Variants in CSMD2 observed in about 807,000 individuals in gnomAD.
CSMD2 encodes CUB and Sushi multiple domains 2.
A neutral mutation model predicts 398.5 loss-of-function variants in CSMD2; 130 were observed. The observed-to-expected ratio is 0.33, with a 90% CI of 0.28 to 0.38. The LOEUF is 0.38. Among genes scored for constraint, CSMD2 ranks in the 10% least tolerant of loss-of-function variants. CSMD2 has a pLI of 1.00. For missense variants in CSMD2, 3,829 were observed against 4,764.9 expected (o/e 0.80, Z 5.78); for synonymous variants, 1,828 against 1,908.5 (o/e 0.96, Z 1.10).
chr1:33,768,404 C>CAA (rs1350625219), intron 13 of CSMD2, among the ~76,000 whole-genome samples: 1 of 151,952 alleles, frequency 6.6e-6, no homozygotes, highest in Non-Finnish European at 1.5e-5. Flanking sequence ...CTGCCCCACA[C>CAA]AAAAAGAATT....
intron 3 of CSMD2, among the ~76,000 whole-genome samples, chr1:33,988,831 C>T (rs911873289): frequency 2.3e-4 from 35 of 151,726 alleles, no homozygotes; most frequent in Non-Finnish European, 2.7e-4. Flanking sequence ...GATGCTAGAA[C>T]AACTGAATAT....
At chr1:34,151,967 C>T (rs1640368164) in intron 1 of CSMD2, among the ~76,000 whole-genome samples, 1 of 152,116 alleles carries the variant, frequency 6.6e-6, no homozygotes, top group African/African-American at 2.4e-5. Context: ...CTCAGCCTCT[C>T]GAGTAGCTAG....
intron 6 of CSMD2, among the ~76,000 whole-genome samples, chr1:33,836,275 TG>T (rs1660251923): frequency 6.6e-6 from 1 of 152,182 alleles, no homozygotes; most frequent in Admixed American, 6.6e-5. Context: ...CTGCCCCTAC[TG>T]GGGGGTGCCT....
chr1:34,001,454 A>G (rs928227545), intron 3 of CSMD2, among the ~76,000 whole-genome samples: 10 of 152,234 alleles, frequency 6.6e-5, no homozygotes, highest in African/African-American at 2.2e-4. Flanking sequence ...CAAGAGAGAA[A>G]TAAGTCTGGT....
intron 68 of CSMD2, 70 bp downstream of exon 68, chr1:33,521,393 T>C (rs936450610): frequency 9.2e-7 from 1 of 1,087,278 alleles, no homozygotes; most frequent in African/African-American, 1.5e-5. Context: ...GTCCTCTACC[T>C]GACCACGGCA....
Position 33,926,694 on chromosome 1 carries a change from C to G in CSMD2, c.713-8393G>C, listed in dbSNP as rs564305391. On this transcript the variant is annotated intron_variant, in intron 4 of 70. Transcript: ENST00000373381. Reference sequence around the variant, plus strand: ...CTAAAATATTCATTTACACTTTCTCCTTCTCTGGCAATGGGCATTTTGCAC... The same window carrying G: ...CTAAAATATTCATTTACACTTTCTCGTTCTCTGGCAATGGGCATTTTGCAC... 4.6e-5 allele frequency among the ~76,000 whole-genome samples: 7 copies of G among 152,298 alleles called. No homozygotes were observed. In the South Asian group the frequency reaches 1.5e-3, roughly 32 times the overall value.
intron 1 of CSMD2, among the ~76,000 whole-genome samples, chr1:34,154,307 C>T (rs142645289): frequency 6.6e-6 from 1 of 152,170 alleles, no homozygotes. Flanking sequence ...ACCTGGCACA[C>T]CATTTCCATG....
chr1:33,952,699 C>T (rs1221452388), intron 3 of CSMD2, among the ~76,000 whole-genome samples: 1 of 137,204 alleles, frequency 7.3e-6, no homozygotes, highest in African/African-American at 3.7e-5. Flanking sequence ...CACACACACA[C>T]ACATGCACAC....
At chr1:34,030,105 A>T (rs1303738639) in intron 3 of CSMD2, among the ~76,000 whole-genome samples, 1 of 152,228 alleles carries the variant, frequency 6.6e-6, no homozygotes, top group East Asian at 1.9e-4. Flanking sequence ...AATATTCTGT[A>T]TCTGGGCTGT....
Position 33,533,689 on chromosome 1 carries a change from C to T in CSMD2, c.9991+107G>A. 4 of 714,654 alleles carry T rather than the reference C, an allele frequency of 5.6e-6. No individual in the cohort carries two copies. The South Asian group carries it at 6.8e-5, about 12-fold the overall frequency. 44.3% of individuals were successfully genotyped at this position (714,654 alleles called of 1,614,324 possible). A position where few individuals can be genotyped will look rare whatever the true frequency, so the allele number is the denominator to read the frequency against. ...CTACAAAGAGACCGATGTCGGTTCGCATGGGGAGTTGTGAACTCCCTGTCA... is the reference window on the plus strand; with the variant it reads ...CTACAAAGAGACCGATGTCGGTTCGTATGGGGAGTTGTGAACTCCCTGTCA... On this transcript the variant is annotated intron_variant, in intron 63 of 70. Coordinates refer to ENST00000373381, the MANE Select transcript of CSMD2 (RefSeq NM_001281956.2). The surrounding 1 kb of genome is among the most constrained non-coding windows in gnomAD (Gnocchi z 4.2).
intron 64 of CSMD2, 50 bp from the exon 65 acceptor site, chr1:33,527,308 C>G: frequency 2.7e-6 from 4 of 1,486,764 alleles, no homozygotes; most frequent in Non-Finnish European, 3.7e-6. Flanking sequence ...CTGGTTCACA[C>G]TCTGTTGGAA....
intron 51 of CSMD2, 95 bp downstream of exon 51, chr1:33,571,437 C>G: frequency 1.1e-6 from 1 of 933,204 alleles, no homozygotes; most frequent in Admixed American, 3.6e-5. Context: ...CCTGGTGATA[C>G]CCCTTTTTCC....
intron 24 of CSMD2, among the ~76,000 whole-genome samples, chr1:33,697,426 G>A (rs986159649): frequency 5.3e-5 from 8 of 152,146 alleles, no homozygotes. Flanking sequence ...GACCCTAGAG[G>A]TTCCATAAAG....
chr1:34,121,676 C>T (rs1266288219), intron 1 of CSMD2, among the ~76,000 whole-genome samples: 3 of 152,120 alleles, frequency 2.0e-5, no homozygotes, highest in Non-Finnish European at 4.4e-5. Flanking sequence ...TTTGTAAAAT[C>T]ACAGTGTCCC....
At chr1:33,748,785 T>C (rs1647758388) in intron 13 of CSMD2, among the ~76,000 whole-genome samples, 3 of 152,074 alleles carry the variant, frequency 2.0e-5, no homozygotes. Context: ...ATAAAAAGGA[T>C]CTGAAAATAT....
Position 33,756,530 on chromosome 1 carries a change from C to T in CSMD2, c.1847-12924G>A, listed in dbSNP as rs139084158. Among the ~76,000 whole-genome samples the T allele has an allele frequency of 8.2e-3, 1,245 of 152,288 alleles. 11 individuals are homozygous for T. The highest frequency in any genetic ancestry group is 0.011 in the Non-Finnish European group (759 of 68,018). The stretch of plus-strand genomic sequence containing the variant: ...GGACTGTGGTCTGATGATAAGGAAC[C>T]AATCATTCTAAGGAAGGTTCACTGC... On this transcript the variant is annotated intron_variant, in intron 13 of 70. Coordinates refer to ENST00000373381, the MANE Select transcript of CSMD2 (RefSeq NM_001281956.2).
intron 3 of CSMD2, among the ~76,000 whole-genome samples, chr1:33,947,565 C>T (rs1253023038): frequency 6.6e-6 from 1 of 152,116 alleles, no homozygotes; most frequent in Non-Finnish European, 1.5e-5. Flanking sequence ...ACCATGTTCC[C>T]AAGGCTCCAG....
chr1:33,955,953 C>T (rs903718867), intron 3 of CSMD2, among the ~76,000 whole-genome samples: 6 of 152,174 alleles, frequency 3.9e-5, no homozygotes, highest in Non-Finnish European at 5.9e-5. Flanking sequence ...ATCTCCACCT[C>T]GACACTGGTA....
rs563775490 is a variant in CSMD2, at chr1:34,156,206, C to T, written c.187+8705G>A. Among the ~76,000 whole-genome samples, 4 of 152,358 alleles carry T rather than the reference C, an allele frequency of 2.6e-5. No homozygotes were observed. The South Asian group carries it at 6.2e-4, about 24-fold the overall frequency. On this transcript the variant is annotated intron_variant, in intron 1 of 70. Transcript: ENST00000373381. ...TCTCTTTCTTACTGCCAAGTCCACA[C>T]ACCATCACCAAGTCCCACCCAATCA...
Sources: allele counts gnomAD v4.1 joint callset (sites outside exome capture counted in the v4.1 genomes callset), GRCh38; gene constraint gnomAD v4.1.1; non-coding constraint Gnocchi (gnomAD v3.1); transcripts MANE v1.5; gene names NCBI Gene and HGNC (gene_info 2026-07-23, HGNC 2026-07-21).